SERPINI1: variants seen among roughly 807,000 people sequenced by gnomAD.
SERPINI1 encodes the protein serpin family I member 1.
Under a neutral mutation model 41.1 loss-of-function variants are expected in SERPINI1, and 19 were observed. The ratio of observed to expected loss-of-function variants is 0.46; its 90% CI spans 0.32 to 0.68. The LOEUF (loss-of-function observed/expected upper bound fraction) is 0.68. Among genes scored for constraint, SERPINI1 ranks in the 30% least tolerant of loss-of-function variants. The pLI is 0.03. For missense variants in SERPINI1, 460 were observed against 479.2 expected, an observed-to-expected ratio of 0.96 and a Z score of 0.37; for synonymous variants, 138 against 156.6, an observed-to-expected ratio of 0.88 and a Z score of 0.89.
intron 1 of SERPINI1, among the ~76,000 whole-genome samples, chr3:167,785,384 T>C (rs1038506281): frequency 1.5e-4 from 23 of 152,240 alleles, no homozygotes; most frequent in African/African-American, 5.3e-4. Context: ...AACAGCATGA[T>C]AGCCAACTTG....
intron 1 of SERPINI1, among the ~76,000 whole-genome samples, chr3:167,745,383 A>T (rs182008500): frequency 1.3e-5 from 2 of 152,172 alleles, no homozygotes; most frequent in African/African-American, 4.8e-5. Flanking sequence ...CATTTAACAA[A>T]CTAGGAGTAA....
At chr3:167,749,456 A>G (rs1019116340) in intron 1 of SERPINI1, among the ~76,000 whole-genome samples, 7 of 152,216 alleles carry the variant, frequency 4.6e-5, no homozygotes, top group Middle Eastern at 3.2e-3. Flanking sequence ...AGTAATTGCT[A>G]TCTTTATACA....
chr3:167,789,466 T>C lies in SERPINI1; in HGVS notation c.250+88T>C, dbSNP rs868105244. 1.1e-5 allele frequency: 16 copies of C among 1,477,802 alleles called. No homozygotes were observed. In the Middle Eastern group the frequency reaches 2.6e-3, roughly 240 times the overall value. 91.5% of individuals were successfully genotyped at this position (1,477,802 alleles called of 1,614,324 possible). On this transcript the variant is annotated intron_variant, in intron 2 of 8. Transcript: ENST00000446050. ...TATTCTTATTCTAGACACAGCAATA[T>C]TTACACAGGGTAAAAAACAATCTCA...
chr3:167,810,310 G>A (rs1201523627), intron 6 of SERPINI1, among the ~76,000 whole-genome samples: 1 of 151,978 alleles, frequency 6.6e-6, no homozygotes, highest in African/African-American at 2.4e-5. Flanking sequence ...TTATTTGCAT[G>A]CATTTTGTTT....
chr3:167,750,112 G>T (rs931630833), intron 1 of SERPINI1, among the ~76,000 whole-genome samples: 2 of 152,190 alleles, frequency 1.3e-5, no homozygotes, highest in Non-Finnish European at 2.9e-5. Flanking sequence ...ATAAATTTCG[G>T]TGCTTAAAAA....
At chr3:167,766,224 T>TG (rs1726562578) in intron 1 of SERPINI1, among the ~76,000 whole-genome samples, 3 of 126,130 alleles carry the variant, frequency 2.4e-5, no homozygotes, top group Non-Finnish European at 1.7e-5. Flanking sequence ...GCAATTTACC[T>TG]AAAAAAAAAA....
intron 5 of SERPINI1, among the ~76,000 whole-genome samples, chr3:167,806,331 G>A (rs1454693164): frequency 1.3e-5 from 2 of 152,046 alleles, no homozygotes; most frequent in East Asian, 1.9e-4. Context: ...TGAGGGGGTA[G>A]GGGGGCAAGG....
At chr3:167,767,052 G>A (rs1235841034) in intron 1 of SERPINI1, among the ~76,000 whole-genome samples, 1 of 152,232 alleles carries the variant, frequency 6.6e-6, no homozygotes. Context: ...GTAAGACAGT[G>A]CCATCTAGGA....
intron 1 of SERPINI1, 24 bp from the exon 2 acceptor site, chr3:167,789,087 A>T (rs760741781): frequency 1.2e-6 from 2 of 1,604,574 alleles, no homozygotes; most frequent in Non-Finnish European, 1.7e-6. Context: ...ACTAATAATT[A>T]ATATGTAAAT....
intron 1 of SERPINI1, among the ~76,000 whole-genome samples, chr3:167,757,305 A>T (rs1726224123): frequency 6.6e-6 from 1 of 152,192 alleles, no homozygotes; most frequent in Admixed American, 6.5e-5. Flanking sequence ...AGTGCTTGGG[A>T]TGTATTAAAC....
intron 1 of SERPINI1, among the ~76,000 whole-genome samples, chr3:167,782,775 G>A (rs565531909): frequency 2.6e-5 from 4 of 152,112 alleles, no homozygotes; most frequent in African/African-American, 7.2e-5. Flanking sequence ...TGAAGGAGAC[G>A]AAAATAGAAC....
chr3:167,820,081 T>C (rs778130107), intron 6 of SERPINI1, among the ~76,000 whole-genome samples: 4 of 152,144 alleles, frequency 2.6e-5, no homozygotes. Flanking sequence ...TTCTCACAGC[T>C]CTAGAGGCTG....
At chr3:167,771,324 AT>A (rs34497454) in intron 1 of SERPINI1, among the ~76,000 whole-genome samples, 21,071 of 152,118 alleles carry the variant, frequency 0.14, 1,795 homozygotes, top group African/African-American at 0.22. Flanking sequence ...TATAAAGATG[AT>A]TTTTTTTAAA....
intron 1 of SERPINI1, among the ~76,000 whole-genome samples, chr3:167,773,730 G>A (rs535692974): frequency 6.6e-6 from 1 of 152,234 alleles, no homozygotes; most frequent in East Asian, 1.9e-4. Flanking sequence ...TTAACAGGCA[G>A]GTATTTTCAG....
chr3:167,772,893 TAC>T (rs71176658), intron 1 of SERPINI1, among the ~76,000 whole-genome samples: 709 of 51,998 alleles, frequency 0.014, 15 homozygotes, highest in African/African-American at 0.02. Flanking sequence ...TATATATATA[TAC>T]ACACACACAC....
chr3:167,783,841 A>T (rs1422590369), intron 1 of SERPINI1, among the ~76,000 whole-genome samples: 1 of 152,206 alleles, frequency 6.6e-6, no homozygotes, highest in African/African-American at 2.4e-5. Context: ...AGGAAGAAAG[A>T]TCACTTAACT....
At chr3:167,808,706 T>G (rs1421486111) in intron 6 of SERPINI1, among the ~76,000 whole-genome samples, 2 of 151,962 alleles carry the variant, frequency 1.3e-5, no homozygotes, top group Non-Finnish European at 2.9e-5. Flanking sequence ...AAACCTGGAG[T>G]GTGAGGGCCC....
intron 6 of SERPINI1, among the ~76,000 whole-genome samples, chr3:167,813,232 C>T (rs1552746): frequency 0.81 from 122,910 of 152,144 alleles, 49,859 homozygotes; most frequent in East Asian, 0.97. Flanking sequence ...GCCTGGATTA[C>T]TGCAACAGCT....
rs538360685 is a variant in SERPINI1, at chr3:167,744,313, A to G, written c.-19+8490A>G. Among the ~76,000 whole-genome samples the G allele has an allele frequency of 2.6e-5, 4 of 152,098 alleles. No homozygotes were observed. In the South Asian group the frequency reaches 8.3e-4, roughly 32 times the overall value. On this transcript the variant is annotated intron_variant, in intron 1 of 8. Transcript: ENST00000446050. ...CTGGCGTGTAGTAAATGCTCATTAA[A>G]TGTTATTTTATTAAACGTTAGGTTT...
Sources: allele counts gnomAD v4.1 joint callset (sites outside exome capture counted in the v4.1 genomes callset), GRCh38; gene constraint gnomAD v4.1.1; transcripts MANE v1.5; gene names NCBI Gene and HGNC (gene_info 2026-07-23, HGNC 2026-07-21).